LRRTM4: variants seen among roughly 807,000 people sequenced by gnomAD.
LRRTM4 encodes leucine rich repeat transmembrane neuronal 4, also known as leucine-rich repeat transmembrane neuronal protein 4.
LRRTM4 carries 25 observed loss-of-function variants against 47.6 expected under a neutral mutation model. The ratio of observed to expected loss-of-function variants is 0.53; its 90% CI spans 0.38 to 0.73. The LOEUF is 0.73. Ranked by LOEUF, LRRTM4 falls within the 30% of genes least tolerant of loss-of-function variation. The probability of loss-of-function intolerance (pLI) is 0.00; values close to 1 mark genes in which losing one functional copy is unlikely to be tolerated. For missense variants in LRRTM4, 638 were observed against 713.4 expected (o/e 0.89, Z 1.20); for synonymous variants, 311 against 269.5 (o/e 1.15, Z -1.51).
chr2:77,167,877 C>A (rs1672932825), intron 3 of LRRTM4, among the ~76,000 whole-genome samples: 1 of 151,952 alleles, frequency 6.6e-6, no homozygotes, highest in Admixed American at 6.6e-5. Flanking sequence ...GTGCACCAGA[C>A]CAACATAGCA....
intron 3 of LRRTM4, among the ~76,000 whole-genome samples, chr2:77,072,791 T>A (rs1680198674): frequency 1.0e-5 from 1 of 95,352 alleles, no homozygotes; most frequent in Non-Finnish European, 1.8e-5. Context: ...AGAGTGAGAC[T>A]CCGTCTTCCA....
chr2:77,327,710 T>C (rs1386111750), intron 3 of LRRTM4, among the ~76,000 whole-genome samples: 2 of 152,290 alleles, frequency 1.3e-5, no homozygotes, highest in East Asian at 3.9e-4. Context: ...ACAGTACATT[T>C]CCTTGGGAGA....
intron 3 of LRRTM4, among the ~76,000 whole-genome samples, chr2:77,431,808 G>T (rs1250640149): frequency 1.3e-5 from 2 of 149,066 alleles, no homozygotes; most frequent in East Asian, 1.9e-4. Flanking sequence ...AGGCACGGTA[G>T]CTCATACCTG....
chr2:77,066,073 C>T (rs1438430023), intron 3 of LRRTM4, among the ~76,000 whole-genome samples: 4 of 152,112 alleles, frequency 2.6e-5, no homozygotes, highest in Non-Finnish European at 5.9e-5. Context: ...AAATGGTGTA[C>T]TATAACTTTT....
At chr2:76,841,178 A>G (rs1309373850) in intron 3 of LRRTM4, among the ~76,000 whole-genome samples, 2 of 151,692 alleles carry the variant, frequency 1.3e-5, no homozygotes, top group Admixed American at 6.6e-5. Flanking sequence ...CGCAAGGACA[A>G]AAAACCAAAC....
In LRRTM4 at chr2:77,458,001, G is replaced by C. The variant is rs1676626870; in HGVS notation, c.1551+60317C>G. Among the ~76,000 whole-genome samples, 2 of 152,134 alleles carry C rather than the reference G, an allele frequency of 1.3e-5. 1 individual carries two copies. The highest frequency in any genetic ancestry group is 4.8e-5 in the African/African-American group (2 of 41,442). On this transcript the variant is annotated intron_variant, in intron 3 of 3. Transcript: ENST00000409884. Reference sequence around the variant, plus strand: ...TAGAAGCAGGGACCCCAAATTGGATGGCAGTTAAAATTATCCAGGTGAGAG... The same window carrying C: ...TAGAAGCAGGGACCCCAAATTGGATCGCAGTTAAAATTATCCAGGTGAGAG...
intron 3 of LRRTM4, among the ~76,000 whole-genome samples, chr2:76,893,886 T>C (rs1573269019): frequency 1.3e-5 from 2 of 152,038 alleles, no homozygotes; most frequent in East Asian, 1.9e-4. Context: ...TGTACATGTC[T>C]CATATGTTTA....
At chr2:76,847,165 G>A (rs995913316) in intron 3 of LRRTM4, among the ~76,000 whole-genome samples, 34 of 152,074 alleles carry the variant, frequency 2.2e-4, no homozygotes, top group African/African-American at 6.5e-4. Context: ...GGGAAAGCTC[G>A]TAAGTTTTGT....
At chr2:77,015,995 T>G (rs1678054543) in intron 3 of LRRTM4, among the ~76,000 whole-genome samples, 1 of 151,988 alleles carries the variant, frequency 6.6e-6, no homozygotes. Context: ...GGCAAGAGAA[T>G]CGCTTGAACT....
intron 3 of LRRTM4, among the ~76,000 whole-genome samples, chr2:77,141,865 ACACT>A (rs1672133097): frequency 6.6e-6 from 1 of 152,184 alleles, no homozygotes; most frequent in Non-Finnish European, 1.5e-5. Flanking sequence ...AAGAAAACAG[ACACT>A]CACAGAAATT....
intron 3 of LRRTM4, among the ~76,000 whole-genome samples, chr2:76,933,222 A>C (rs1558746777): frequency 6.6e-6 from 1 of 152,132 alleles, no homozygotes; most frequent in Non-Finnish European, 1.5e-5. Flanking sequence ...TGAGTAATCA[A>C]TGAAAATTGT....
intron 3 of LRRTM4, among the ~76,000 whole-genome samples, chr2:76,930,037 T>G (rs1674718854): frequency 6.6e-6 from 1 of 152,074 alleles, no homozygotes; most frequent in Admixed American, 6.6e-5. Flanking sequence ...GTGGTTATTT[T>G]TATTTTTTGT....
chr2:76,790,396 A>C (rs1674910387), intron 3 of LRRTM4, among the ~76,000 whole-genome samples: 1 of 152,052 alleles, frequency 6.6e-6, no homozygotes, highest in African/African-American at 2.4e-5. Flanking sequence ...TTGATTAGGA[A>C]CTAATTCTCT....
chr2:76,991,006 A>G (rs1676986943), intron 3 of LRRTM4, among the ~76,000 whole-genome samples: 1 of 151,760 alleles, frequency 6.6e-6, no homozygotes, highest in Non-Finnish European at 1.5e-5. Context: ...TCTGTAAACC[A>G]CACAGTTACA....
At chr2:77,079,168 T>C (rs1342346730) in intron 3 of LRRTM4, among the ~76,000 whole-genome samples, 3 of 152,140 alleles carry the variant, frequency 2.0e-5, no homozygotes, top group Admixed American at 6.6e-5. Context: ...ACAACTGACA[T>C]AAGGGAAACT....
chr2:77,083,949 C>T (rs113687760), intron 3 of LRRTM4, among the ~76,000 whole-genome samples: 4,382 of 151,014 alleles, frequency 0.029, 206 homozygotes, highest in African/African-American at 0.099. Context: ...GGACTACAGG[C>T]GCCCGCCACT....
intron 3 of LRRTM4, among the ~76,000 whole-genome samples, chr2:77,488,194 G>T (rs1678001171): frequency 6.6e-6 from 1 of 152,088 alleles, no homozygotes; most frequent in African/African-American, 2.4e-5. Context: ...TCAGTACCTG[G>T]CCTCTCCAAG....
chr2:77,448,726 G>T (rs2103946556), intron 3 of LRRTM4, among the ~76,000 whole-genome samples: 1 of 152,266 alleles, frequency 6.6e-6, no homozygotes, highest in Non-Finnish European at 1.5e-5. Flanking sequence ...GTTGTACAGT[G>T]ATCCCTGCTG....
At chr2:77,364,911 A>G (rs1041783718) in intron 3 of LRRTM4, among the ~76,000 whole-genome samples, 24 of 152,036 alleles carry the variant, frequency 1.6e-4, no homozygotes, top group African/African-American at 5.6e-4. Context: ...CCTACCTCTT[A>G]TCAGATAAAT....
Sources: allele counts gnomAD v4.1 joint callset (sites outside exome capture counted in the v4.1 genomes callset), GRCh38; gene constraint gnomAD v4.1.1; transcripts MANE v1.5; gene names NCBI Gene and HGNC (gene_info 2026-07-23, HGNC 2026-07-21).